The following ADRA1B variants were observed in gnomAD, a reference collection of about 807,000 sequenced individuals.
ADRA1B encodes alpha-1B adrenergic receptor.
In ADRA1B, 17 loss-of-function variants were observed where a neutral mutation model predicts 17.9. The observed-to-expected ratio is 0.95, with a 90% CI of 0.65 to 1.42. The LOEUF (loss-of-function observed/expected upper bound fraction) is 1.42, where lower values mean the gene tolerates loss of function less well. Among genes scored for constraint, ADRA1B ranks in the 40% most tolerant of loss-of-function variants. The pLI is 0.00. For synonymous variants in ADRA1B, 366 were observed against 327.6 expected, an observed-to-expected ratio of 1.12 and a Z score of -1.27; for missense variants, 681 against 722.1, an observed-to-expected ratio of 0.94 and a Z score of 0.65.
intron 1 of ADRA1B, among the ~76,000 whole-genome samples, chr5:159,960,683 G>A (rs1755650270): frequency 6.7e-6 from 1 of 149,706 alleles, no homozygotes. Context: ...ATCCAGCCTG[G>A]GCAATACAGA....
chr5:159,962,892 ATTTCTTTTTCTTTTC>A (rs1472244632), intron 1 of ADRA1B, among the ~76,000 whole-genome samples: 1 of 32,262 alleles, frequency 3.1e-5, no homozygotes, highest in Non-Finnish European at 5.8e-5. Context: ...TTTAGCTTTT[ATTTCTTTTTCTTTTC>A]TTTCTTTCTT....
chr5:159,930,716 T>A (rs1197381222), intron 1 of ADRA1B, among the ~76,000 whole-genome samples: 1 of 149,436 alleles, frequency 6.7e-6, no homozygotes, highest in African/African-American at 2.6e-5. Flanking sequence ...ATTTATTAGT[T>A]TAGTTACCTC....
intron 1 of ADRA1B, among the ~76,000 whole-genome samples, chr5:159,882,062 A>G (rs1156563007): frequency 6.6e-6 from 1 of 152,148 alleles, no homozygotes; most frequent in African/African-American, 2.4e-5. Flanking sequence ...GAACACAAAA[A>G]CTGCTCATTT....
In ADRA1B at chr5:159,866,543, C is replaced by T. The variant is rs1011542219; in HGVS notation, c.-256+1337C>T. Among the ~76,000 whole-genome samples, 9 of 148,992 alleles carry T rather than the reference C, an allele frequency of 6.0e-5. No individual in the cohort carries two copies. In the South Asian group the frequency reaches 8.5e-4, roughly 14 times the overall value. ...CGGAGGTTGGGGTGAGCTGAGATCG[C>T]GCCACTGCATTACAGCCTGGGCAAC... On this transcript the variant is annotated intron_variant, in intron 1 of 2. Coordinates refer to the ADRA1B transcript ENST00000641205.
Position 159,916,797 on chromosome 5 carries a change from T to A in ADRA1B, c.-109T>A. 1 of 1,137,326 alleles carries A rather than the reference T, an allele frequency of 8.8e-7. No homozygotes were observed. The highest frequency in any genetic ancestry group is 1.2e-6 in the Non-Finnish European group (1 of 807,810). 70.5% of individuals were successfully genotyped at this position (1,137,326 alleles called of 1,614,324 possible). On this transcript the variant is annotated 5_prime_UTR_variant, in exon 1 of 2. Transcript: ENST00000306675. ...GATGACTCCTCGCCAGGAGGGCGCC[T>A]CTGGGAAGAAGACCACGGGGGAAGC...
At chr5:159,876,015 C>T (rs1753798194) in intron 1 of ADRA1B, among the ~76,000 whole-genome samples, 1 of 151,988 alleles carries the variant, frequency 6.6e-6, no homozygotes. Context: ...ATGGTAAAAC[C>T]CCATCTCTAC....
chr5:159,918,101 TA>T (rs1461553352), intron 1 of ADRA1B, among the ~76,000 whole-genome samples: 4 of 152,178 alleles, frequency 2.6e-5, no homozygotes, highest in Non-Finnish European at 5.9e-5. Context: ...GAAAATCTGG[TA>T]TGAGGAATGA....
At chr5:159,964,804 A>C (rs11953285) in intron 1 of ADRA1B, among the ~76,000 whole-genome samples, 15,702 of 152,224 alleles carry the variant, frequency 0.1, 997 homozygotes, top group Middle Eastern at 0.22. Context: ...CACCTTCTTC[A>C]TCTTGGTAGC....
intron 1 of ADRA1B, among the ~76,000 whole-genome samples, chr5:159,885,139 G>A (rs1395719458): frequency 6.6e-6 from 1 of 152,198 alleles, no homozygotes; most frequent in African/African-American, 2.4e-5. Flanking sequence ...CAGAGTCACA[G>A]ACTATCAGAA....
intron 1 of ADRA1B, among the ~76,000 whole-genome samples, chr5:159,963,226 C>T (rs1482673994): frequency 6.7e-6 from 1 of 149,126 alleles, no homozygotes; most frequent in Non-Finnish European, 1.5e-5. Context: ...CAGTACACAC[C>T]CTCCCAGACC....
chr5:159,918,078 AG>A (rs1754380543), intron 1 of ADRA1B, among the ~76,000 whole-genome samples: 1 of 152,254 alleles, frequency 6.6e-6, no homozygotes, highest in South Asian at 2.1e-4. Flanking sequence ...TTCTGGAAAT[AG>A]AACCAGGGAA....
At chr5:159,901,750 A>G (rs1275786120) in intron 1 of ADRA1B, among the ~76,000 whole-genome samples, 1 of 152,190 alleles carries the variant, frequency 6.6e-6, no homozygotes, top group Non-Finnish European at 1.5e-5. Context: ...CAAGCATAAG[A>G]AAAGATACTC....
At chr5:159,874,631 T>C (rs528567358) in intron 1 of ADRA1B, among the ~76,000 whole-genome samples, 1 of 152,372 alleles carries the variant, frequency 6.6e-6, no homozygotes, top group South Asian at 2.1e-4. Flanking sequence ...AAAGGAGCTC[T>C]GAAAATTTTT....
chr5:159,923,984 C>G (rs1487976673), intron 1 of ADRA1B, among the ~76,000 whole-genome samples: 1 of 152,268 alleles, frequency 6.6e-6, no homozygotes, highest in Non-Finnish European at 1.5e-5. Context: ...CAAGATCACA[C>G]AGTTAGTAAA....
At chr5:159,915,499 C>T (rs1754280216), upstream of ADRA1B, among the ~76,000 whole-genome samples, 1 of 152,184 alleles carries the variant, frequency 6.6e-6, no homozygotes, top group Non-Finnish European at 1.5e-5. Flanking sequence ...CATTCACCCA[C>T]CTTTGGGAGT....
rs571611101 is a variant in ADRA1B, at chr5:159,972,300, C to A, written c.1371C>A (p.Pro457=). Residue 457 remains proline (P), a synonymous_variant, in exon 2 of 2, where the codon CCC becomes CCA. Transcript: ENST00000306675. Reference sequence around the variant, plus strand: ...CGCCCGGCGCCCTCCTGAGCCTGCCCGCGCCTGAGCCCCCCGGCCGCCGCG... The same window carrying A: ...CGCCCGGCGCCCTCCTGAGCCTGCCAGCGCCTGAGCCCCCCGGCCGCCGCG... ...WKAPGALLSL[P]APEPPGRRGR... is the part of the protein sequence containing the mutation. 1 of 1,424,128 alleles carries A rather than the reference C, an allele frequency of 7.0e-7. No homozygotes were observed. Among genetic ancestry groups the A allele is most frequent in the Non-Finnish European group, 9.1e-7 (1 of 1,093,704 alleles). 88.2% of individuals were successfully genotyped at this position (1,424,128 alleles called of 1,614,324 possible).
chr5:159,899,263 AAAGGAAGGAAGG>A (rs199633101), intron 1 of ADRA1B, among the ~76,000 whole-genome samples: 2,240 of 106,434 alleles, frequency 0.021, 45 homozygotes, highest in Non-Finnish European at 0.028. Context: ...AGGAAGGAAG[AAAGGAAGGAAGG>A]AAGGAAGGAA....
chr5:159,940,377 A>T (rs1755094229), intron 1 of ADRA1B, among the ~76,000 whole-genome samples: 1 of 152,032 alleles, frequency 6.6e-6, no homozygotes, highest in African/African-American at 2.4e-5. Context: ...TCCCCCCTCC[A>T]AGTGACATGT....
At position 159,972,416 on chromosome 5, in the gene ADRA1B, G is replaced by T; in HGVS notation, c.1487G>T (p.Cys496Phe). 3 of 1,508,638 alleles carry T rather than the reference G, an allele frequency of 2.0e-6. No individual in the cohort carries two copies. The highest frequency in any genetic ancestry group is 2.6e-6 in the Non-Finnish European group (3 of 1,134,812). 93.5% of individuals were successfully genotyped at this position (1,508,638 alleles called of 1,614,324 possible). A position where few individuals can be genotyped will look rare whatever the true frequency, so the allele number is the denominator to read the frequency against. The change falls in exon 2 of 2, where the codon TGC (cysteine) becomes TTC (phenylalanine). Residue 496 changes from cysteine (C) to phenylalanine (F), a missense_variant. By Grantham distance (205) the Cys-to-Phe change is radical (BLOSUM62 -2). Around this residue, in one of 3 missense-constraint regions of ADRA1B, gnomAD observed 251 missense variants for 224.9 expected, o/e 1.12. Transcript: ENST00000306675. ...GACGGCGGCGCCAGCAACGGAGGCT[G>T]CGAGGCCGCGGCCGACGTGGCCAAC... ...GTDGGASNGG[C>F]EAAADVANGQ...
Sources: allele counts gnomAD v4.1 joint callset (sites outside exome capture counted in the v4.1 genomes callset), GRCh38; gene constraint gnomAD v4.1.1; regional missense constraint gnomAD v4.1.1; transcripts MANE v1.5; gene names NCBI Gene and HGNC (gene_info 2026-07-23, HGNC 2026-07-21).